Variants in SHISAL1 observed in about 807,000 individuals in gnomAD.
SHISAL1 encodes the protein protein shisa-like-1.
SHISAL1 carries 9 observed loss-of-function variants against 22.6 expected under a neutral mutation model. That is an observed-to-expected ratio of 0.40 (90% CI 0.24 to 0.70). The LOEUF is 0.70. Ranked by LOEUF, SHISAL1 falls within the 30% of genes least tolerant of loss-of-function variation. The probability of loss-of-function intolerance (pLI) is 0.39; values close to 1 mark genes in which losing one functional copy is unlikely to be tolerated. For missense variants in SHISAL1, 246 were observed against 270.6 expected (o/e 0.91, Z 0.64); for synonymous variants, 119 against 115.4 (o/e 1.03, Z -0.20).
rs779142052 is a variant in SHISAL1 at position 44,249,655 on chromosome 22, C to G, written c.*30G>C. 1.0e-5 allele frequency: 8 copies of G among 779,892 alleles called. No homozygotes were observed. Among genetic ancestry groups the G allele is most frequent in the Admixed American group, 1.7e-5 (1 of 59,026 alleles). The allele number at this position is 779,892 out of a possible 1,614,324, so 48.3% of individuals were successfully genotyped here. A position where few individuals can be genotyped will look rare whatever the true frequency, so the allele number is the denominator to read the frequency against. Reference sequence around the variant, plus strand: ...GCACCGGGTGCTTCAGATCTCATCTCCCCCATCCTGAGGCACAGCAAAAGC... The same window carrying G: ...GCACCGGGTGCTTCAGATCTCATCTGCCCCATCCTGAGGCACAGCAAAAGC... On this transcript the variant is annotated 3_prime_UTR_variant, in exon 5 of 5. Coordinates refer to ENST00000381176, the MANE Select transcript of SHISAL1 (RefSeq NM_001099294.2).
At chr22:44,271,233 C>T (rs1431106713) in intron 4 of SHISAL1, among the ~76,000 whole-genome samples, 1 of 152,176 alleles carries the variant, frequency 6.6e-6, no homozygotes, top group Non-Finnish European at 1.5e-5. Context: ...GAGTCCAGTC[C>T]AAGCCCAGCC....
the SHISAL1 span, among the ~76,000 whole-genome samples, chr22:44,331,541 G>GCGCCCGCGGGAGCCGC: frequency 6.7e-6 from 1 of 150,286 alleles, no homozygotes; most frequent in Non-Finnish European, 1.5e-5. The surrounding 1 kb of genome is among the most constrained non-coding windows in gnomAD (Gnocchi z 5.2). Context: ...CCGGGAGCCG[G>GCGCCCGCGGGAGCCGC]CGCCCGCGGG....
chr22:44,305,914 C>T (rs1053660308), intron 1 of SHISAL1, among the ~76,000 whole-genome samples: 2 of 152,190 alleles, frequency 1.3e-5, no homozygotes, highest in Non-Finnish European at 2.9e-5. Flanking sequence ...TGCCCTTACT[C>T]CCCACGCCCC....
chr22:44,263,979 C>CGTGGAT (rs2055144503), intron 4 of SHISAL1, among the ~76,000 whole-genome samples: 1 of 152,142 alleles, frequency 6.6e-6, no homozygotes, highest in Non-Finnish European at 1.5e-5. Context: ...CACCAAGAGA[C>CGTGGAT]GTGGATGTGA....
chr22:44,331,083 C>T, the SHISAL1 span, among the ~76,000 whole-genome samples: 19 of 152,100 alleles, frequency 1.2e-4, no homozygotes, highest in Admixed American at 1.2e-3. This position sits in a 1 kb window ranked among gnomAD's most constrained non-coding sequence, Gnocchi z 5.2. Context: ...GGATTCCGGT[C>T]CCGGCCGCCG....
chr22:44,311,200 C>G (rs897922964), intron 1 of SHISAL1, among the ~76,000 whole-genome samples: 1 of 152,198 alleles, frequency 6.6e-6, no homozygotes, highest in Non-Finnish European at 1.5e-5. Context: ...GCTCACACCC[C>G]CTGGGCCCTC....
chr22:44,303,193 C>T (rs996432085), intron 1 of SHISAL1, among the ~76,000 whole-genome samples: 5 of 152,040 alleles, frequency 3.3e-5, no homozygotes, highest in Non-Finnish European at 5.9e-5. Context: ...ATGTGCCCGG[C>T]TCTGGGCCAG....
At position 44,250,848 on chromosome 22, in the gene SHISAL1, T is replaced by C. The variant is rs901619490; in HGVS notation, c.*-1163A>G. ...GCATCTGGTGAGTGTTCTTAAATGA[T>C]AAACCATCTTCAACTAAATGGAGAA... On this transcript the variant is annotated intron_variant, in intron 4 of 4. Coordinates refer to ENST00000381176, the MANE Select transcript of SHISAL1 (RefSeq NM_001099294.2). Among the ~76,000 whole-genome samples the C allele has an allele frequency of 2.2e-4, 33 of 152,212 alleles. 1 individual carries two copies. The highest frequency in any genetic ancestry group is 4.3e-4 in the Non-Finnish European group (29 of 68,034).
chr22:44,311,969 G>C (rs893683454), intron 1 of SHISAL1, among the ~76,000 whole-genome samples: 1 of 152,186 alleles, frequency 6.6e-6, no homozygotes, highest in African/African-American at 2.4e-5. Context: ...CATGAAGAAT[G>C]AATCACTTAA....
At chr22:44,290,838 G>C (rs2055348015) in intron 3 of SHISAL1, among the ~76,000 whole-genome samples, 1 of 152,210 alleles carries the variant, frequency 6.6e-6, no homozygotes, top group African/African-American at 2.4e-5. Flanking sequence ...TTAAGGCACA[G>C]AGAGAGTGCT....
chr22:44,299,857 GACAGAGACAGAC>G (rs1163967674), intron 2 of SHISAL1, among the ~76,000 whole-genome samples: 16 of 151,858 alleles, frequency 1.1e-4, no homozygotes, highest in Non-Finnish European at 2.4e-4. Context: ...GAGACAGAGA[GACAGAGACAGAC>G]ACAGAGACAC....
intron 1 of SHISAL1, among the ~76,000 whole-genome samples, chr22:44,308,358 T>A (rs1398070630): frequency 6.6e-6 from 1 of 152,212 alleles, no homozygotes; most frequent in African/African-American, 2.4e-5. Context: ...CCCCTTGGGT[T>A]CAAGGCTGCG....
chr22:44,285,920 G>C (rs1197460766), intron 3 of SHISAL1, among the ~76,000 whole-genome samples, 175 bp from the exon 4 acceptor site: 5 of 152,154 alleles, frequency 3.3e-5, no homozygotes, highest in Admixed American at 3.3e-4. Flanking sequence ...CTGCCTGCCT[G>C]TTCGCCTCCT....
At chr22:44,271,694 A>T (rs907150891) in intron 4 of SHISAL1, among the ~76,000 whole-genome samples, 1 of 152,174 alleles carries the variant, frequency 6.6e-6, no homozygotes, top group Non-Finnish European at 1.5e-5. Context: ...GCAAAGCCTA[A>T]TCTGGGAGCC....
intron 4 of SHISAL1, among the ~76,000 whole-genome samples, chr22:44,262,382 G>T (rs1186874969): frequency 6.6e-6 from 1 of 152,028 alleles, no homozygotes; most frequent in Non-Finnish European, 1.5e-5. Context: ...CCAAAGTTGT[G>T]GGGAGCCGAC....
chr22:44,326,771 G>A, the SHISAL1 span, among the ~76,000 whole-genome samples: 44 of 152,152 alleles, frequency 2.9e-4, 1 homozygote, highest in South Asian at 8.3e-3. Flanking sequence ...GGTTGATGTC[G>A]AAAAATATAG....
rs1246299540 is a variant in SHISAL1 at position 44,247,591 on chromosome 22, A to G, written c.*2094T>C. ...ACAGCTGGACCCAAAGACTGAAGCC[A>G]GGGGCCTGGGTCTTCCACAGCTGAC... is the stretch of plus-strand genomic sequence containing the variant. On this transcript the variant is annotated 3_prime_UTR_variant, in exon 5 of 5. Coordinates refer to ENST00000381176, the MANE Select transcript of SHISAL1 (RefSeq NM_001099294.2). The G allele has an allele frequency of 6.6e-6, 1 of 152,368 alleles. No individual in the cohort carries two copies. The highest frequency in any genetic ancestry group is 1.5e-5 in the Non-Finnish European group (1 of 68,168). 9.4% of individuals were successfully genotyped at this position (152,368 alleles called of 1,614,324 possible).
At chr22:44,293,641 T>C (rs1054815657) in intron 3 of SHISAL1, among the ~76,000 whole-genome samples, 1 of 152,130 alleles carries the variant, frequency 6.6e-6, no homozygotes, top group African/African-American at 2.4e-5. Context: ...GGCTGCTGGC[T>C]CCACCACGAA....
intron 4 of SHISAL1, among the ~76,000 whole-genome samples, chr22:44,265,876 C>T (rs2055158199): frequency 6.6e-6 from 1 of 152,228 alleles, no homozygotes; most frequent in Admixed American, 6.5e-5. Context: ...CCCTCTGCCT[C>T]CTGCTTCCTC....
Sources: gnomAD v4.1 joint callset for allele counts (sites outside exome capture counted in the v4.1 genomes callset) on GRCh38, gnomAD v4.1.1 for gene constraint, Gnocchi (gnomAD v3.1) non-coding constraint, MANE v1.5 for transcripts, NCBI Gene and HGNC (gene_info 2026-07-23, HGNC 2026-07-21) for gene names.